F8: variants seen among roughly 807,000 people sequenced by gnomAD.
F8 encodes antihemophilic factor.
A neutral mutation model predicts 140.6 loss-of-function variants in F8; 12 were observed. The ratio of observed to expected loss-of-function variants is 0.09; its 90% CI spans 0.05 to 0.14. The LOEUF (loss-of-function observed/expected upper bound fraction) is 0.14, where lower values mean the gene tolerates loss of function less well. F8 is among the 10% of genes least tolerant of loss of function. The pLI is 1.00. For missense variants in F8, 1,354 were observed against 1,720.7 expected (o/e 0.79, Z 3.77); for synonymous variants, 585 against 614.6 (o/e 0.95, Z 0.71).
chrX:154,993,754 A>C (rs2124142049), intron 3 of F8, among the ~76,000 whole-genome samples: 1 of 112,307 alleles, frequency 8.9e-6, no homozygotes, highest in East Asian at 2.8e-4. Context: ...AACAACAAAT[A>C]CACTTTGTCA....
intron 12 of F8, among the ~76,000 whole-genome samples, chrX:154,950,871 TTCTC>T (rs1381781627): frequency 8.9e-6 from 1 of 112,470 alleles, no homozygotes; most frequent in Non-Finnish European, 1.9e-5. Context: ...GCTTTCAGGA[TTCTC>T]TCTTTGTCTT....
Position 154,917,051 on chromosome X carries a change from C to A in F8, c.5220-10478G>T, listed in dbSNP as rs190269368. Among the ~76,000 whole-genome samples the A allele has an allele frequency of 5.9e-3, 656 of 111,656 alleles. 7 individuals are homozygous for A. The highest frequency in any genetic ancestry group is 0.02 in the African/African-American group (623 of 30,849). On this transcript the variant is annotated intron_variant, in intron 14 of 25. Transcript: ENST00000360256. ...CATTGACTTATTGGTTGTTCAGGAG[C>A]ATGTTGTTTAATTTCCATGTATTTG...
At chrX:154,900,647 G>A (rs1358387107) in intron 20 of F8, among the ~76,000 whole-genome samples, 1 of 112,314 alleles carries the variant, frequency 8.9e-6, no homozygotes, top group African/African-American at 3.2e-5. Flanking sequence ...AGTGAAAAAT[G>A]TTACTATTTT....
intron 22 of F8, among the ~76,000 whole-genome samples, chrX:154,868,243 A>C (rs1557273287): frequency 9.0e-6 from 1 of 111,717 alleles, no homozygotes; most frequent in East Asian, 2.8e-4. Flanking sequence ...GGTTTCCCCC[A>C]CGCTGTTCTC....
chrX:154,951,400 C>T (rs1342315582), intron 12 of F8, among the ~76,000 whole-genome samples: 1 of 111,698 alleles, frequency 9.0e-6, no homozygotes, highest in African/African-American at 3.2e-5. Flanking sequence ...TAATCATGTC[C>T]TTACTAACCT....
At chrX:155,019,763 T>TGGTGATCAC (rs1557287330) in intron 1 of F8, among the ~76,000 whole-genome samples, 3 of 110,633 alleles carry the variant, frequency 2.7e-5, no homozygotes, top group Non-Finnish European at 5.7e-5. Context: ...CCCACTGCAC[T>TGGTGATCAC]CCAGCCTGGG....
rs782741785 is a variant in F8, at chrX:154,997,055, T to A, written c.306A>T (p.Thr102=). ...CCATGTTCTTAAGTGTAATGACCAC[T>A]GTATCATAAACCTCAGCCTGGATGG... ...GPTIQAEVYD[T]VVITLKNMAS... Residue 102 remains threonine, a synonymous_variant, in exon 3 of 26, where the codon ACA becomes ACT. Coordinates refer to ENST00000360256, the MANE Select transcript of F8 (RefSeq NM_000132.4). The A allele has an allele frequency of 5.8e-6, 7 of 1,209,099 alleles. No individual in the cohort carries two copies. In the South Asian group the frequency reaches 1.1e-4, roughly 18 times the overall value.
At chrX:154,963,003 G>T (rs2073404774) in intron 9 of F8, among the ~76,000 whole-genome samples, 1 of 111,462 alleles carries the variant, frequency 9.0e-6, no homozygotes, top group Non-Finnish European at 1.9e-5. Context: ...TGTGTGATAT[G>T]AGGATAAAAA....
intron 15 of F8, among the ~76,000 whole-genome samples, chrX:154,905,725 T>C (rs1299545764): frequency 8.9e-6 from 1 of 111,732 alleles, no homozygotes; most frequent in African/African-American, 3.2e-5. Flanking sequence ...GCAGGAATTT[T>C]TATAAACATA....
intron 9 of F8, among the ~76,000 whole-genome samples, chrX:154,964,163 ACTGT>A (rs1557281811): frequency 1.8e-5 from 2 of 111,973 alleles, no homozygotes; most frequent in African/African-American, 6.5e-5. Flanking sequence ...CACAGCAATG[ACTGT>A]CTGTCAGACT....
At chrX:154,981,426 A>G (rs1557283547) in intron 6 of F8, among the ~76,000 whole-genome samples, 1 of 108,244 alleles carries the variant, frequency 9.2e-6, no homozygotes, top group African/African-American at 3.4e-5. Context: ...GCCCGGAAAG[A>G]AGACAATAGA....
intron 10 of F8, among the ~76,000 whole-genome samples, chrX:154,957,776 C>G (rs2073372454): frequency 9.4e-6 from 1 of 106,814 alleles, no homozygotes; most frequent in African/African-American, 3.4e-5. Flanking sequence ...ATCCCAGCTA[C>G]TTGGGAGGCT....
At chrX:154,981,287 T>G (rs1416530578) in intron 6 of F8, among the ~76,000 whole-genome samples, 1 of 110,913 alleles carries the variant, frequency 9.0e-6, no homozygotes, top group Non-Finnish European at 1.9e-5. Context: ...TTCTTAACTC[T>G]TCTGAAGGTA....
intron 24 of F8, among the ~76,000 whole-genome samples, chrX:154,861,441 T>C (rs1206868163): frequency 8.9e-6 from 1 of 112,278 alleles, no homozygotes; most frequent in African/African-American, 3.2e-5. Context: ...AAGCTAATTG[T>C]TGATATTTAT....
In F8 at chrX:154,952,126, A is replaced by G. The variant is rs1474856598; in HGVS notation, c.1903+1766T>C. The stretch of plus-strand genomic sequence containing the variant: ...CACAATAAGGAAATTATAAAATACA[A>G]TATTCTATCAGGCTGAAGGAATTCT... On this transcript the variant is annotated intron_variant, in intron 12 of 25. Transcript: ENST00000360256. 1.7e-4 allele frequency among the ~76,000 whole-genome samples: 19 copies of G among 112,079 alleles called. No homozygotes were observed. The Admixed American group carries it at 1.8e-3, about 11-fold the overall frequency.
chrX:155,017,504 C>T (rs1354127164), intron 1 of F8, among the ~76,000 whole-genome samples: 1 of 112,235 alleles, frequency 8.9e-6, no homozygotes, highest in Non-Finnish European at 1.9e-5. Context: ...AATCATACGT[C>T]TAGATTATCA....
Position 154,860,621 on chromosome X carries a change from G to C in F8, c.6724-13C>G, listed in dbSNP as rs2072683785. ...TTGGATTATTCACCTGAGGGCAATA[G>C]AGTTGGACTAGTAGCCTCTTGGTCA... On this transcript the variant is annotated splice_polypyrimidine_tract_variant and intron_variant, in intron 24 of 25. Coordinates refer to ENST00000360256, the MANE Select transcript of F8 (RefSeq NM_000132.4). 1 of 1,206,726 alleles carries C rather than the reference G, an allele frequency of 8.3e-7. No individual in the cohort carries two copies. Among genetic ancestry groups the C allele is most frequent in the Non-Finnish European group, 1.1e-6 (1 of 892,244 alleles).
At chrX:154,997,130 G>T (rs1557285176) in intron 2 of F8, 35 bp from the exon 3 acceptor site, 1 of 1,208,540 alleles carries the variant, frequency 8.3e-7, no homozygotes, top group South Asian at 1.8e-5. Context: ...AGGTTACTTG[G>T]GGATAGTACT....
intron 6 of F8, among the ~76,000 whole-genome samples, chrX:154,976,513 C>T (rs1218208932): frequency 1.8e-5 from 2 of 110,209 alleles, no homozygotes; most frequent in East Asian, 5.7e-4. Context: ...CATGCTGGTG[C>T]ACTGCACCCA....
Sources: gnomAD v4.1 joint callset for allele counts (sites outside exome capture counted in the v4.1 genomes callset) on GRCh38, gnomAD v4.1.1 for gene constraint, MANE v1.5 for transcripts, NCBI Gene and HGNC (gene_info 2026-07-23, HGNC 2026-07-21) for gene names.